Variants in CATSPERB observed in about 807,000 individuals in gnomAD.
CATSPERB encodes the protein cation channel sperm-associated auxiliary subunit beta.
A neutral mutation model predicts 128.3 loss-of-function variants in CATSPERB; 93 were observed. The observed-to-expected ratio is 0.72, with a 90% CI of 0.61 to 0.86. The LOEUF (loss-of-function observed/expected upper bound fraction) is 0.86, where lower values mean the gene tolerates loss of function less well. CATSPERB is among the 40% of genes least tolerant of loss of function. The pLI, the probability that CATSPERB is intolerant of heterozygous loss-of-function variation, is 0.00. For synonymous variants in CATSPERB, 381 were observed against 448.8 expected (o/e 0.85, Z 1.91); for missense variants, 1,153 against 1,329.5 (o/e 0.87, Z 2.06).
intron 16 of CATSPERB, among the ~76,000 whole-genome samples, chr14:91,637,049 G>C (rs1293759980): frequency 6.6e-6 from 1 of 152,168 alleles, no homozygotes; most frequent in Non-Finnish European, 1.5e-5. Context: ...CTCCTTTCCT[G>C]ACTCACAGAC....
chr14:91,589,788 C>T lies in CATSPERB; in HGVS notation c.2821-119G>A. On this transcript the variant is annotated intron_variant, in intron 23 of 26. Coordinates refer to ENST00000256343, the MANE Select transcript of CATSPERB (RefSeq NM_024764.4). ...TTTGGCTGTTCAATGACATGTGCTC[C>T]TGAGGGGTTTCTGCCTTTTCAGTCA... 1.3e-5 allele frequency: 11 copies of T among 868,944 alleles called. No homozygotes were observed. The South Asian group carries it at 2.0e-4, about 16-fold the overall frequency. The allele number at this position is 868,944 out of a possible 1,614,324, so 53.8% of individuals were successfully genotyped here.
In CATSPERB at chr14:91,669,053, C is replaced by T. The variant is rs111574166; in HGVS notation, c.1287+761G>A. On this transcript the variant is annotated intron_variant, in intron 14 of 26. Transcript: ENST00000256343. ...AACCTCTTTTCTTTATAAATTACCC[C>T]GTCTCGGACAGTTCTTTATAGCAGT... Among the ~76,000 whole-genome samples the T allele has an allele frequency of 1.7e-4, 26 of 152,220 alleles. 1 individual carries two copies. Among genetic ancestry groups the T allele is most frequent in the African/African-American group, 5.5e-4 (23 of 41,540 alleles).
intron 22 of CATSPERB, among the ~76,000 whole-genome samples, chr14:91,595,643 A>G (rs1893493999): frequency 6.6e-6 from 1 of 152,206 alleles, no homozygotes; most frequent in Non-Finnish European, 1.5e-5. Context: ...GGGACTGTGT[A>G]CACAAAATAT....
intron 7 of CATSPERB, among the ~76,000 whole-genome samples, chr14:91,702,010 G>C (rs1353016055): frequency 6.6e-6 from 1 of 152,092 alleles, no homozygotes; most frequent in Non-Finnish European, 1.5e-5. Context: ...TGGGGAAAAG[G>C]TGCTTTCACC....
chr14:91,593,336 C>T (rs1893444844), intron 22 of CATSPERB, among the ~76,000 whole-genome samples: 1 of 152,182 alleles, frequency 6.6e-6, no homozygotes, highest in African/African-American at 2.4e-5. Flanking sequence ...GCACCTGGTG[C>T]CTGGAAAAGC....
intron 26 of CATSPERB, among the ~76,000 whole-genome samples, chr14:91,586,571 A>AGAGAGAGAGAGAGAAAGAGAGAG (rs374162982): frequency 8.8e-6 from 1 of 114,192 alleles, no homozygotes; most frequent in Non-Finnish European, 1.7e-5. Flanking sequence ...GAGAGAGAGA[A>AGAGAGAGAGAGAGAAAGAGAGAG]AGAGAGAGAG....
At chr14:91,722,926 T>C (rs1020921568) in intron 4 of CATSPERB, 123 bp downstream of exon 4, 6 of 653,034 alleles carry the variant, frequency 9.2e-6, no homozygotes, top group Non-Finnish European at 1.1e-5. Flanking sequence ...ACACTATCAG[T>C]GGGCTTAAAA....
intron 4 of CATSPERB, among the ~76,000 whole-genome samples, chr14:91,722,814 A>C (rs966499542): frequency 5.9e-5 from 9 of 152,188 alleles, no homozygotes; most frequent in African/African-American, 2.2e-4. Flanking sequence ...GAAGGAATGA[A>C]GGACAGTATA....
chr14:91,615,754 TAA>T (rs1893924052), intron 20 of CATSPERB, among the ~76,000 whole-genome samples: 1 of 152,204 alleles, frequency 6.6e-6, no homozygotes, highest in South Asian at 2.1e-4. Flanking sequence ...AGTGCTTCAG[TAA>T]ACACTGGTAC....
intron 17 of CATSPERB, among the ~76,000 whole-genome samples, chr14:91,632,831 A>ACG (rs1169879008): frequency 6.6e-6 from 1 of 151,692 alleles, no homozygotes; most frequent in Non-Finnish European, 1.5e-5. Flanking sequence ...ACACACACAC[A>ACG]CACATACACA....
At chr14:91,622,209 G>GT (rs1566707338) in intron 18 of CATSPERB, among the ~76,000 whole-genome samples, 1 of 64,574 alleles carries the variant, frequency 1.5e-5, no homozygotes, top group Non-Finnish European at 3.4e-5. Context: ...AAAGAAAGCT[G>GT]ATTTTTTTTT....
rs1235655961 is a variant in CATSPERB, at chr14:91,610,487, G to A, written c.2591C>T (p.Thr864Ile). The A allele has an allele frequency of 3.1e-6, 5 of 1,609,118 alleles. No individual in the cohort carries two copies. The highest frequency in any genetic ancestry group is 1.1e-5 in the South Asian group (1 of 89,770). The stretch of plus-strand genomic sequence containing the variant: ...TTAGATTTTTTTTTTTACCGGCAAA[G>A]TTTTGATGAGGTTAAAACCCTGACT... ...KDSQGFNLIKTLPINYRPPSN... is the reference protein window; with the variant it reads ...KDSQGFNLIKILPINYRPPSN... The change falls in exon 21 of 27, where the codon ACT becomes ATT. Residue 864 changes from threonine to isoleucine, a missense_variant. Physicochemically the swap from Thr to Ile is moderately conservative, Grantham distance 89. Coordinates refer to ENST00000256343, the MANE Select transcript of CATSPERB (RefSeq NM_024764.4).
At chr14:91,590,941 G>A (rs898308980) in intron 23 of CATSPERB, among the ~76,000 whole-genome samples, 1 of 151,690 alleles carries the variant, frequency 6.6e-6, no homozygotes, top group African/African-American at 2.4e-5. Flanking sequence ...GTGAGCCACC[G>A]AGCCCGGCCT....
At chr14:91,718,233 A>T (rs1895973927) in intron 5 of CATSPERB, among the ~76,000 whole-genome samples, 1 of 152,224 alleles carries the variant, frequency 6.6e-6, no homozygotes, top group Admixed American at 6.5e-5. Flanking sequence ...AATCACAGAT[A>T]GCTCCAATAA....
At chr14:91,702,655 C>T (rs1377663504) in intron 7 of CATSPERB, among the ~76,000 whole-genome samples, 1 of 139,596 alleles carries the variant, frequency 7.2e-6, no homozygotes, top group Non-Finnish European at 1.5e-5. Context: ...TTTCTACACC[C>T]TCCCTGACAC....
At chr14:91,670,350 G>A (rs10151893) in intron 13 of CATSPERB, among the ~76,000 whole-genome samples, 1 of 152,152 alleles carries the variant, frequency 6.6e-6, no homozygotes, top group Admixed American at 6.5e-5. Context: ...ATTTTAAATG[G>A]GATCAGAATA....
chr14:91,729,592 T>C, intron 1 of CATSPERB, 113 bp from the exon 2 acceptor site: 1 of 527,258 alleles, frequency 1.9e-6, no homozygotes, highest in East Asian at 3.3e-5. Context: ...TTCTTAATAT[T>C]TCACACTGTG....
chr14:91,662,208 T>C (rs1217957370), intron 14 of CATSPERB, among the ~76,000 whole-genome samples: 1 of 152,190 alleles, frequency 6.6e-6, no homozygotes, highest in African/African-American at 2.4e-5. Context: ...TTTGTGTTTT[T>C]TCATTCCCTT....
chr14:91,620,368 G>A (rs1894019808), intron 19 of CATSPERB, among the ~76,000 whole-genome samples: 1 of 151,994 alleles, frequency 6.6e-6, no homozygotes, highest in South Asian at 2.1e-4. Context: ...ACTGCCTTAT[G>A]ATCAGTATCT....
Sources: allele counts gnomAD v4.1 joint callset (sites outside exome capture counted in the v4.1 genomes callset), GRCh38; gene constraint gnomAD v4.1.1; transcripts MANE v1.5; gene names NCBI Gene and HGNC (gene_info 2026-07-23, HGNC 2026-07-21).